The following USP37 variants were observed in gnomAD, a reference collection of about 807,000 sequenced individuals.
USP37 encodes ubiquitin carboxyl-terminal hydrolase 37.
Under a neutral mutation model 124.0 loss-of-function variants are expected in USP37, and 27 were observed. The observed-to-expected ratio is 0.22, with a 90% CI of 0.16 to 0.30. The LOEUF is 0.30. Ranked by LOEUF, USP37 falls within the 10% of genes least tolerant of loss-of-function variation. The probability of loss-of-function intolerance (pLI) is 1.00; values close to 1 mark genes in which losing one functional copy is unlikely to be tolerated. For missense variants in USP37, 889 were observed against 1,140.4 expected (o/e 0.78, Z 3.17); for synonymous variants, 365 against 388.0 (o/e 0.94, Z 0.70).
intron 6 of USP37, among the ~76,000 whole-genome samples, chr2:218,549,464 CTTTTTTTTTT>C (rs35795642): frequency 8.4e-6 from 1 of 118,492 alleles, no homozygotes; most frequent in South Asian, 2.8e-4. Context: ...CTATGACTAT[CTTTTTTTTTT>C]TTTTTTTTGA....
At chr2:218,528,945 A>G (rs944231494) in intron 10 of USP37, 1 of 403,570 alleles carries the variant, frequency 2.5e-6, no homozygotes, top group Non-Finnish European at 4.4e-6. Context: ...TTTAAGGGAA[A>G]TTCCTAAATA....
intron 23 of USP37, among the ~76,000 whole-genome samples, chr2:218,459,312 C>T (rs1299536848): frequency 6.6e-6 from 1 of 152,170 alleles, no homozygotes; most frequent in Admixed American, 6.6e-5. Flanking sequence ...TCAGGTGATT[C>T]TCCTGCCTCA....
At chr2:218,480,696 C>A (rs1268675320) in intron 17 of USP37, among the ~76,000 whole-genome samples, 1 of 152,152 alleles carries the variant, frequency 6.6e-6, no homozygotes, top group Admixed American at 6.5e-5. Context: ...ATAGACAAGT[C>A]AAGGAATCTG....
intron 1 of USP37, among the ~76,000 whole-genome samples, chr2:218,563,312 A>G (rs1480290984): frequency 2.0e-5 from 3 of 152,238 alleles, no homozygotes; most frequent in Non-Finnish European, 4.4e-5. Context: ...AACTTTAGGA[A>G]CTTATCTGCT....
chr2:218,482,098 TA>T lies in USP37; in HGVS notation c.1806del (p.Phe602LeufsTer15), dbSNP rs1251479837. 1 of 1,613,110 alleles carries T rather than the reference TA, an allele frequency of 6.2e-7. No individual in the cohort carries two copies. ...SHCTENTKPP[F>X]TLGWSAHMAI... ...GCCATATGTGCACTCCAACCAAGGG[TA>T]AAAGGTGGTTTTGTATTTTCAGTGC... On this transcript the variant is annotated frameshift_variant, in exon 17 of 26. Transcript: ENST00000258399. LOFTEE classifies it high-confidence loss of function.
chr2:218,529,972 C>A lies in USP37; in HGVS notation c.847G>T (p.Gly283Cys), dbSNP rs758775890. 2 of 1,612,608 alleles carry A rather than the reference C, an allele frequency of 1.2e-6. No homozygotes were observed. Among genetic ancestry groups the A allele is most frequent in the South Asian group, 1.1e-5 (1 of 90,918 alleles). The change falls in exon 10 of 26, where the codon GGC becomes TGC. Residue 283 changes from glycine (G) to cysteine (C), a missense_variant. Physicochemically the swap from Gly to Cys is radical, Grantham distance 159. Around this residue, in one of 3 missense-constraint regions of USP37, gnomAD observed 374 missense variants for 386.0 expected, o/e 0.97. Coordinates refer to ENST00000258399, the MANE Select transcript of USP37 (RefSeq NM_020935.3). The part of the protein sequence containing the change: ...RAGSKEHSSG[G>C]TNLDRTNVSS... ...AATGCATACCTGTCTAAGTTAGTGC[C>A]ACCAGAAGAGTGTTCCTTGGATCCA...
intron 1 of USP37, among the ~76,000 whole-genome samples, chr2:218,564,987 T>C (rs1693506997): frequency 6.6e-6 from 1 of 152,174 alleles, no homozygotes; most frequent in South Asian, 2.1e-4. Flanking sequence ...AGTGGTGCCA[T>C]CTTGGCTCAC....
chr2:218,567,026 T>C (rs574853975), intron 1 of USP37, among the ~76,000 whole-genome samples: 3 of 152,176 alleles, frequency 2.0e-5, no homozygotes, highest in South Asian at 2.1e-4. Flanking sequence ...GCTGGCTATC[T>C]AGATGTGGAG....
Position 218,452,568 on chromosome 2 carries a change from C to T in USP37, c.*2362G>A, listed in dbSNP as rs973505315. ...AATTTGAGTCCCAAACATGCAAGTA[C>T]ATGAGCAGTGAGATAACTTATATAT... On this transcript the variant is annotated 3_prime_UTR_variant, in exon 26 of 26. Transcript: ENST00000258399. 1 of 152,144 alleles carries T rather than the reference C, an allele frequency of 6.6e-6. No homozygotes were observed. The highest frequency in any genetic ancestry group is 2.4e-5 in the African/African-American group (1 of 41,444). 9.4% of individuals were successfully genotyped at this position (152,144 alleles called of 1,614,324 possible).
intron 10 of USP37, among the ~76,000 whole-genome samples, chr2:218,513,461 CA>C (rs1430004433): frequency 6.6e-6 from 1 of 152,128 alleles, no homozygotes; most frequent in African/African-American, 2.4e-5. Flanking sequence ...GACATATATA[CA>C]CTCATGAAAT....
At chr2:218,472,462 C>A (rs1427449021) in intron 20 of USP37, among the ~76,000 whole-genome samples, 1 of 151,716 alleles carries the variant, frequency 6.6e-6, no homozygotes, top group Non-Finnish European at 1.5e-5. Flanking sequence ...GCCTGAATCT[C>A]TCTCTCTTTT....
intron 21 of USP37, 85 bp downstream of exon 21, chr2:218,465,925 G>A: frequency 8.2e-6 from 12 of 1,454,864 alleles, no homozygotes; most frequent in Non-Finnish European, 1.1e-5. Context: ...CTGACACATA[G>A]TAAGTGCTCA....
At position 218,466,280 on chromosome 2, in the gene USP37, T is replaced by C. The variant is rs1162453380; in HGVS notation, c.2300-104A>G. The stretch of plus-strand genomic sequence containing the variant: ...CATAAAGCAATTTACCCTAATTTCA[T>C]CTATAATTTGCTTAGGACATACAAT... On this transcript the variant is annotated intron_variant, in intron 20 of 25. Transcript: ENST00000258399. The C allele has an allele frequency of 3.9e-6, 5 of 1,280,936 alleles. No individual in the cohort carries two copies. The South Asian group carries it at 7.5e-5, about 19-fold the overall frequency. 79.3% of individuals were successfully genotyped at this position (1,280,936 alleles called of 1,614,324 possible).
rs549705097 is a variant in USP37 at position 218,513,111 on chromosome 2, T to C, written c.864-2971A>G. Among the ~76,000 whole-genome samples, 3 of 152,124 alleles carry C rather than the reference T, an allele frequency of 2.0e-5. No homozygotes were observed. The East Asian group carries it at 5.8e-4, about 29-fold the overall frequency. The stretch of plus-strand genomic sequence containing the variant: ...GAAATAATATAGGCATATATATATA[T>C]ATATTAACTCCTGGGCTCAAGCATT... On this transcript the variant is annotated intron_variant, in intron 10 of 25. Transcript: ENST00000258399.
chr2:218,565,608 A>G (rs181927260), intron 1 of USP37, among the ~76,000 whole-genome samples: 1 of 152,252 alleles, frequency 6.6e-6, no homozygotes, highest in Non-Finnish European at 1.5e-5. Context: ...CAAGAACATC[A>G]GCAAGCTTTG....
chr2:218,482,379 T>A, intron 16 of USP37, 145 bp from the exon 17 acceptor site: 1 of 813,080 alleles, frequency 1.2e-6, no homozygotes, highest in Non-Finnish European at 1.8e-6. Context: ...GAATATTTAC[T>A]GAATACCTGT....
chr2:218,463,461 A>G (rs981238531), intron 21 of USP37, 95 bp from the exon 22 acceptor site: 2 of 1,078,056 alleles, frequency 1.9e-6, no homozygotes, highest in Non-Finnish European at 2.8e-6. Context: ...AGCATTTGCT[A>G]AGAATGCTTT....
At chr2:218,529,490 A>AG (rs1208634985) in intron 10 of USP37, among the ~76,000 whole-genome samples, 2 of 148,084 alleles carry the variant, frequency 1.4e-5, no homozygotes, top group African/African-American at 5.3e-5. Flanking sequence ...AAAAAAAAAA[A>AG]AAAAAAATTC....
intron 8 of USP37, among the ~76,000 whole-genome samples, chr2:218,539,639 C>T (rs370570312): frequency 5.3e-5 from 8 of 152,016 alleles, no homozygotes; most frequent in South Asian, 2.1e-4. Context: ...CGCCTGAGCC[C>T]GGGAGGCGGA....
Sources: allele counts gnomAD v4.1 joint callset (sites outside exome capture counted in the v4.1 genomes callset), GRCh38; gene constraint gnomAD v4.1.1; regional missense constraint gnomAD v4.1.1; transcripts MANE v1.5; gene names NCBI Gene and HGNC (gene_info 2026-07-23, HGNC 2026-07-21).